Variants in AGTRAP observed in about 807,000 individuals in gnomAD.
The protein encoded by AGTRAP is type-1 angiotensin II receptor-associated protein.
In AGTRAP, 7 loss-of-function variants were observed where a neutral mutation model predicts 15.2. That is an observed-to-expected ratio of 0.46 (90% CI 0.26 to 0.87). The LOEUF (loss-of-function observed/expected upper bound fraction) is 0.87, where lower values mean the gene tolerates loss of function less well. Among genes scored for constraint, AGTRAP ranks in the 40% least tolerant of loss-of-function variants. AGTRAP has a pLI of 0.15. For missense variants in AGTRAP, 187 were observed against 213.4 expected, an observed-to-expected ratio of 0.88 and a Z score of 0.77; for synonymous variants, 74 against 89.6, an observed-to-expected ratio of 0.83 and a Z score of 0.98.
Position 11,743,586 on chromosome 1 carries a change from G to T in AGTRAP, c.28-2217G>T, listed in dbSNP as rs572181333. ...TTTCTTTCCTTTTTTTTTTTTTTGA[G>T]GCGGAGGTTTGTTCTTGTTGTCCAG... is the stretch of plus-strand genomic sequence containing the variant. On this transcript the variant is annotated intron_variant, in intron 1 of 4. Transcript: ENST00000314340. Among the ~76,000 whole-genome samples the T allele has an allele frequency of 6.2e-4, 86 of 138,332 alleles. 2 individuals carry two copies. In the South Asian group the frequency reaches 0.019, roughly 31 times the overall value. The allele number at this position is 138,332 out of a possible 152,430, so 90.8% of individuals were successfully genotyped here.
intron 2 of AGTRAP, chr1:11,746,247 T>G (rs1444259186): frequency 1.3e-6 from 2 of 1,571,526 alleles, no homozygotes; most frequent in Non-Finnish European, 1.7e-6. Flanking sequence ...ACTGTAACCA[T>G]CATGATTCAC....
At chr1:11,742,474 TTTTC>T (rs1464440713) in intron 1 of AGTRAP, among the ~76,000 whole-genome samples, 2 of 151,520 alleles carry the variant, frequency 1.3e-5, no homozygotes, top group Non-Finnish European at 2.9e-5. Context: ...CTTTCCTTCC[TTTTC>T]TTTCTTTTTC....
At chr1:11,741,732 G>A (rs1642034077) in intron 1 of AGTRAP, among the ~76,000 whole-genome samples, 1 of 152,182 alleles carries the variant, frequency 6.6e-6, no homozygotes, top group Non-Finnish European at 1.5e-5. Context: ...AGACCTCAGA[G>A]GATTGTAAGG....
intron 1 of AGTRAP, among the ~76,000 whole-genome samples, chr1:11,740,926 G>A (rs1027365982): frequency 2.6e-5 from 4 of 152,138 alleles, no homozygotes; most frequent in Non-Finnish European, 5.9e-5. Flanking sequence ...CACTGTGGCT[G>A]ACTCTGCGGT....
intron 3 of AGTRAP, among the ~76,000 whole-genome samples, chr1:11,747,842 G>T (rs943814684): frequency 6.6e-6 from 1 of 152,242 alleles, no homozygotes; most frequent in Admixed American, 6.5e-5. Flanking sequence ...CGCAAGAGCA[G>T]TGGAACATCC....
At position 11,745,200 on chromosome 1, in the gene AGTRAP, G is replaced by A. The variant is rs532378028; in HGVS notation, c.28-603G>A. On this transcript the variant is annotated intron_variant, in intron 1 of 4. Coordinates refer to ENST00000314340, the MANE Select transcript of AGTRAP (RefSeq NM_020350.5). The surrounding 1 kb of genome is among the most constrained non-coding windows in gnomAD (Gnocchi z 4.2). ...TATTTCTTGATAGTATGCTAACCAA[G>A]GGGTGGATTATTCATGCCTCCCCTT... 4.4e-4 allele frequency among the ~76,000 whole-genome samples: 67 copies of A among 152,288 alleles called. No individual in the cohort carries two copies. Among genetic ancestry groups the A allele is most frequent in the African/African-American group, 1.6e-3 (66 of 41,560 alleles).
chr1:11,750,393 C>T lies in AGTRAP; in HGVS notation c.*201C>T. ...CCTGTCCCGAACTCCCTGAGGCCTC[C>T]CCTCCCTTCAGGGCACCCACTGGTT... On this transcript the variant is annotated 3_prime_UTR_variant, in exon 5 of 5. Coordinates refer to ENST00000314340, the MANE Select transcript of AGTRAP (RefSeq NM_020350.5). 1 of 631,460 alleles carries T rather than the reference C, an allele frequency of 1.6e-6. No individual in the cohort carries two copies. Among genetic ancestry groups the T allele is most frequent in the South Asian group, 1.8e-5 (1 of 55,918 alleles). The allele number at this position is 631,460 out of a possible 1,614,324, so 39.1% of individuals were successfully genotyped here. A position where few individuals can be genotyped will look rare whatever the true frequency, so the allele number is the denominator to read the frequency against.
intron 1 of AGTRAP, among the ~76,000 whole-genome samples, chr1:11,739,375 A>C (rs1394370598): frequency 1.3e-5 from 2 of 150,056 alleles, no homozygotes; most frequent in East Asian, 3.9e-4. Context: ...ACATGATGTA[A>C]CCCCACCTCT....
chr1:11,748,472 T>A lies in AGTRAP; in HGVS notation c.226T>A (p.Tyr76Asn), dbSNP rs748922313. The A allele has an allele frequency of 1.9e-6, 3 of 1,613,864 alleles. No homozygotes were observed. The highest frequency in any genetic ancestry group is 2.5e-6 in the Non-Finnish European group (3 of 1,180,008). The change falls in exon 4 of 5, where the codon TAC becomes AAC. Residue 76 changes from tyrosine (Y) to asparagine (N), a missense_variant. Physicochemically the swap from Tyr to Asn is moderately radical, Grantham distance 143. Coordinates refer to ENST00000314340, the MANE Select transcript of AGTRAP (RefSeq NM_020350.5). ...GGACATCGTGCACATCAGCATCTTC[T>A]ACCCGCGGGTCAGCCTCACGGACAC... ...FLDIVHISIFYPRVSLTDTGR... is the reference protein window; with the variant it reads ...FLDIVHISIFNPRVSLTDTGR...
intron 2 of AGTRAP, chr1:11,746,234 T>C (rs778268623): frequency 6.3e-7 from 1 of 1,593,262 alleles, no homozygotes; most frequent in East Asian, 2.2e-5. Context: ...GTGAGTAATG[T>C]GAACTGTAAC....
At chr1:11,739,459 C>T (rs1350500169) in intron 1 of AGTRAP, among the ~76,000 whole-genome samples, 1 of 151,994 alleles carries the variant, frequency 6.6e-6, no homozygotes, top group Non-Finnish European at 1.5e-5. Flanking sequence ...GTTGAGGCAC[C>T]GAGGATCACT....
chr1:11,737,497 G>A (rs1464691993), intron 1 of AGTRAP, among the ~76,000 whole-genome samples: 2 of 152,224 alleles, frequency 1.3e-5, no homozygotes, highest in Non-Finnish European at 2.9e-5. Context: ...TCTGTGGTGT[G>A]CCAGGTTATT....
At position 11,748,511 on chromosome 1, in the gene AGTRAP, G is replaced by A. The variant is rs372009893; in HGVS notation, c.265G>A (p.Val89Met). The A allele has an allele frequency of 5.5e-5, 89 of 1,612,950 alleles. 1 individual carries two copies. Among genetic ancestry groups the A allele is most frequent in the East Asian group, 2.2e-4 (10 of 44,870 alleles). Reference protein sequence around the residue: ...VSLTDTGRFGVGMAILSLLLK... With the variant: ...VSLTDTGRFGMGMAILSLLLK... The stretch of plus-strand genomic sequence containing the variant: ...CCTCACGGACACGGGCCGCTTTGGC[G>A]TGGGCATGGCCATCCTCAGCTTGCT... Residue 89 changes from valine (V) to methionine (M), a missense_variant, in exon 4 of 5, where the codon GTG (valine) becomes ATG (methionine). Transcript: ENST00000314340.
chr1:11,747,065 C>T (rs1252434443), intron 2 of AGTRAP, among the ~76,000 whole-genome samples: 4 of 152,234 alleles, frequency 2.6e-5, no homozygotes. Flanking sequence ...CCACAGGCCC[C>T]TTAGGCCCTG....
chr1:11,747,370 G>A (rs17875945), intron 2 of AGTRAP, 70 bp from the exon 3 acceptor site: 2 of 1,422,850 alleles, frequency 1.4e-6, no homozygotes, highest in South Asian at 1.2e-5. Context: ...GCCCTGAGAC[G>A]CCGGAGCAGG....
rs1275721019 is a variant in AGTRAP at position 11,745,525 on chromosome 1, G to A, written c.28-278G>A. Among the ~76,000 whole-genome samples the A allele has an allele frequency of 6.6e-6, 1 of 152,166 alleles. No homozygotes were observed. The highest frequency in any genetic ancestry group is 2.1e-4 in the South Asian group (1 of 4,832). On this transcript the variant is annotated intron_variant, in intron 1 of 4. Coordinates refer to ENST00000314340, the MANE Select transcript of AGTRAP (RefSeq NM_020350.5). The surrounding 1 kb of genome is among the most constrained non-coding windows in gnomAD (Gnocchi z 4.2). ...TCCTATTCAAGATGGAATTGCTCTG[G>A]TTCATACGCCTCTGACGCTTGGAAG...
intron 3 of AGTRAP, 77 bp downstream of exon 3, chr1:11,747,622 C>T (rs944901638): frequency 1.1e-5 from 16 of 1,437,090 alleles, no homozygotes; most frequent in Admixed American, 8.5e-5. Flanking sequence ...TCTGCTACCC[C>T]GTCCCATCCC....
chr1:11,736,874 CGGGTCT>C (rs17875909), intron 1 of AGTRAP, among the ~76,000 whole-genome samples: 33,989 of 150,326 alleles, frequency 0.23, 4,269 homozygotes, highest in Admixed American at 0.34. Context: ...GAGCTCAGTC[CGGGTCT>C]GGGTGCCAGC....
intron 1 of AGTRAP, among the ~76,000 whole-genome samples, chr1:11,741,782 C>T (rs1394862927): frequency 3.3e-5 from 5 of 152,182 alleles, no homozygotes; most frequent in African/African-American, 4.8e-5. Flanking sequence ...TAGAATGGCA[C>T]CTAGCACATA....
Sources: allele counts gnomAD v4.1 joint callset (sites outside exome capture counted in the v4.1 genomes callset), GRCh38; gene constraint gnomAD v4.1.1; non-coding constraint Gnocchi (gnomAD v3.1); transcripts MANE v1.5; gene names NCBI Gene and HGNC (gene_info 2026-07-23, HGNC 2026-07-21).